PCDHA2: variants seen among roughly 807,000 people sequenced by gnomAD.
PCDHA2 encodes protocadherin alpha-2.
PCDHA2 carries 58 observed loss-of-function variants against 66.0 expected under a neutral mutation model. The ratio of observed to expected loss-of-function variants is 0.88; its 90% CI spans 0.71 to 1.09. PCDHA2 has a LOEUF of 1.09. Among genes scored for constraint, PCDHA2 ranks in the 50% least tolerant of loss-of-function variants. The pLI, the probability that PCDHA2 is intolerant of heterozygous loss-of-function variation, is 0.00. For synonymous variants in PCDHA2, 634 were observed against 554.0 expected (o/e 1.14, Z -2.03); for missense variants, 1,267 against 1,242.3 (o/e 1.02, Z -0.30).
At chr5:140,892,207 A>C (rs1562863208) in intron 1 of PCDHA2, among the ~76,000 whole-genome samples, 1 of 152,110 alleles carries the variant, frequency 6.6e-6, no homozygotes, top group African/African-American at 2.4e-5. Context: ...TGTGTTTTAA[A>C]ATTGTATCTT....
chr5:140,900,563 C>G (rs1174778855), intron 1 of PCDHA2, among the ~76,000 whole-genome samples: 4 of 152,164 alleles, frequency 2.6e-5, no homozygotes, highest in Non-Finnish European at 5.9e-5. Flanking sequence ...AGGCGTGAGC[C>G]ACGGCACCGG....
At chr5:140,852,576 T>G in intron 1 of PCDHA2, 1 of 821,650 alleles carries the variant, frequency 1.2e-6, no homozygotes, top group Non-Finnish European at 1.5e-6. Flanking sequence ...GTGCCAAGGC[T>G]TTTTTATTTT....
chr5:140,869,885 T>C (rs2051479155), intron 1 of PCDHA2: 7 of 1,610,426 alleles, frequency 4.3e-6, no homozygotes, highest in South Asian at 1.1e-5. Context: ...GAAACTCTTG[T>C]GCTCAAACTA....
intron 1 of PCDHA2, chr5:140,807,762 T>C (rs1764027827): frequency 1.2e-6 from 2 of 1,614,224 alleles, no homozygotes; most frequent in East Asian, 2.2e-5. Flanking sequence ...GTAAAAGGTC[T>C]TGGGCTTATA....
rs1299003245 is a variant in PCDHA2, at chr5:140,846,734, T to A, written c.2388+49382T>A. Among the ~76,000 whole-genome samples, 2 of 149,288 alleles carry A rather than the reference T, an allele frequency of 1.3e-5. 1 individual carries two copies. The highest frequency in any genetic ancestry group is 3.0e-5 in the Non-Finnish European group (2 of 66,808). On this transcript the variant is annotated intron_variant, in intron 1 of 3. Transcript: ENST00000526136. ...TAACCAGTCTTCATTAAACATTAAA[T>A]AGGACCCTTACAGATCTCTAACAGC...
At chr5:141,004,331 C>G (rs1244942275) in intron 3 of PCDHA2, among the ~76,000 whole-genome samples, 1 of 152,210 alleles carries the variant, frequency 6.6e-6, no homozygotes, top group Non-Finnish European at 1.5e-5. Flanking sequence ...AGGTGAGGCA[C>G]AGTGGTCTGT....
intron 1 of PCDHA2, chr5:140,876,994 G>C (rs375771604): frequency 3.7e-6 from 6 of 1,612,620 alleles, no homozygotes; most frequent in South Asian, 1.1e-5. Context: ...GTCGAGCTAC[G>C]TGTCGGTGCA....
chr5:140,901,100 C>G (rs1172808892), intron 1 of PCDHA2, among the ~76,000 whole-genome samples: 1 of 152,002 alleles, frequency 6.6e-6, no homozygotes, highest in East Asian at 1.9e-4. Flanking sequence ...CTTCTACATT[C>G]TGGTTATTCA....
intron 1 of PCDHA2, among the ~76,000 whole-genome samples, chr5:140,942,021 A>C (rs2093219800): frequency 6.6e-6 from 1 of 152,198 alleles, no homozygotes; most frequent in South Asian, 2.1e-4. Context: ...TTTTGGGAAA[A>C]AATAATTCAT....
intron 1 of PCDHA2, among the ~76,000 whole-genome samples, chr5:140,921,089 T>C (rs2080011859): frequency 6.6e-6 from 1 of 151,966 alleles, no homozygotes; most frequent in African/African-American, 2.4e-5. Context: ...AAGAGAATCC[T>C]CCTGCCTCAG....
chr5:140,934,053 G>A (rs2089601827), intron 1 of PCDHA2, among the ~76,000 whole-genome samples: 1 of 151,758 alleles, frequency 6.6e-6, no homozygotes, highest in African/African-American at 2.4e-5. Flanking sequence ...GTCTTTCCAA[G>A]GCTAACTTTT....
At chr5:140,999,980 C>G (rs1386394350) in intron 3 of PCDHA2, among the ~76,000 whole-genome samples, 1 of 152,076 alleles carries the variant, frequency 6.6e-6, no homozygotes, top group East Asian at 1.9e-4. Flanking sequence ...GCTCTAGCGG[C>G]CTCTGGGTAG....
intron 1 of PCDHA2, chr5:140,928,054 A>T (rs2084892451): frequency 1.2e-6 from 2 of 1,613,994 alleles, no homozygotes; most frequent in Non-Finnish European, 1.7e-6. Flanking sequence ...TTTTCAGCTG[A>T]CGGCTTCCTT....
At chr5:140,814,900 A>G (rs1231594923) in intron 1 of PCDHA2, 1 of 152,154 alleles carries the variant, frequency 6.6e-6, no homozygotes, top group Non-Finnish European at 1.5e-5. Context: ...TATAATTGCT[A>G]TGTCCTTCTG....
intron 1 of PCDHA2, chr5:140,802,626 G>A: frequency 6.2e-7 from 1 of 1,613,988 alleles, no homozygotes; most frequent in Non-Finnish European, 8.5e-7. Flanking sequence ...CATCTTCACG[G>A]TGTCTGCGCG....
At chr5:140,849,816 G>A (rs2150451582) in intron 1 of PCDHA2, 4 of 1,598,578 alleles carry the variant, frequency 2.5e-6, no homozygotes, top group East Asian at 2.2e-5. Flanking sequence ...CACGGCCAGG[G>A]TGTCTGTGGA....
intron 1 of PCDHA2, chr5:140,836,765 A>G (rs200916074): frequency 3.4e-5 from 53 of 1,563,040 alleles, no homozygotes; most frequent in Middle Eastern, 1.7e-4. Context: ...CTTGTTTCCA[A>G]CAATTTTAAA....
At position 140,870,363 on chromosome 5, in the gene PCDHA2, T is replaced by C. The variant is rs782093088; in HGVS notation, c.2388+73011T>C. 1.9e-6 allele frequency: 3 copies of C among 1,614,206 alleles called. No homozygotes were observed. The South Asian group carries it at 3.3e-5, about 18-fold the overall frequency. On this transcript the variant is annotated intron_variant, in intron 1 of 3. Transcript: ENST00000526136. ...TGGACCGCGAGAACGTGTGGGCCTA[T>C]GAACTGGTGGTGACTGCGCGGGATG...
At chr5:140,801,947 A>G in intron 1 of PCDHA2, 2 of 1,614,196 alleles carry the variant, frequency 1.2e-6, no homozygotes, top group Non-Finnish European at 1.7e-6. Flanking sequence ...ATAAAGTCAG[A>G]TTACTCGAAA....
Sources: allele counts gnomAD v4.1 joint callset (sites outside exome capture counted in the v4.1 genomes callset), GRCh38; gene constraint gnomAD v4.1.1; transcripts MANE v1.5; gene names NCBI Gene and HGNC (gene_info 2026-07-23, HGNC 2026-07-21).